The following GULP1 variants were observed in gnomAD, a reference collection of about 807,000 sequenced individuals.
GULP1 encodes the protein PTB domain-containing engulfment adapter protein 1.
GULP1 carries 19 observed loss-of-function variants against 40.9 expected under a neutral mutation model. The ratio of observed to expected loss-of-function variants is 0.46; its 90% CI spans 0.32 to 0.68. The LOEUF is 0.68. GULP1 is among the 30% of genes least tolerant of loss of function. The probability of loss-of-function intolerance (pLI) is 0.03; values close to 1 mark genes in which losing one functional copy is unlikely to be tolerated. For missense variants in GULP1, 312 were observed against 362.2 expected (o/e 0.86, Z 1.12); for synonymous variants, 119 against 117.6 (o/e 1.01, Z -0.08).
At chr2:188,550,224 T>C (rs1462480843) in intron 7 of GULP1, among the ~76,000 whole-genome samples, 2 of 151,688 alleles carry the variant, frequency 1.3e-5, no homozygotes, top group Non-Finnish European at 3.0e-5. Flanking sequence ...CCTTTTGTCT[T>C]ATTTTAAGTA....
At chr2:188,369,103 G>A (rs2047255595) in intron 1 of GULP1, among the ~76,000 whole-genome samples, 1 of 150,588 alleles carries the variant, frequency 6.6e-6, no homozygotes, top group Admixed American at 6.6e-5. Context: ...TGGAACTACA[G>A]GTGCATGCCA....
At chr2:188,480,267 C>T (rs2061344033) in intron 3 of GULP1, among the ~76,000 whole-genome samples, 1 of 151,872 alleles carries the variant, frequency 6.6e-6, no homozygotes, top group Non-Finnish European at 1.5e-5. Flanking sequence ...GTCACGTTTC[C>T]AAAACTACCA....
At chr2:188,523,316 C>T (rs1685316364) in intron 5 of GULP1, among the ~76,000 whole-genome samples, 2 of 152,078 alleles carry the variant, frequency 1.3e-5, no homozygotes, top group South Asian at 2.1e-4. Flanking sequence ...TGGCAATGTC[C>T]GTAAGTAGCC....
chr2:188,536,290 T>C (rs1186539392), intron 6 of GULP1, among the ~76,000 whole-genome samples: 1 of 152,098 alleles, frequency 6.6e-6, no homozygotes, highest in Non-Finnish European at 1.5e-5. Flanking sequence ...GAAGGGCATT[T>C]ACATTATTTT....
chr2:188,574,392 G>C (rs977050741), intron 9 of GULP1, among the ~76,000 whole-genome samples: 3 of 152,294 alleles, frequency 2.0e-5, no homozygotes, highest in African/African-American at 7.2e-5. Context: ...GGGAGGCAGA[G>C]GTAGGCTGAT....
intron 1 of GULP1, among the ~76,000 whole-genome samples, chr2:188,334,817 T>A (rs2042054534): frequency 6.6e-6 from 1 of 152,328 alleles, no homozygotes; most frequent in Admixed American, 6.5e-5. Flanking sequence ...GATAGAAAGG[T>A]CAATACCTTT....
chr2:188,580,450 G>A (rs370586054), intron 9 of GULP1, among the ~76,000 whole-genome samples: 1 of 150,860 alleles, frequency 6.6e-6, no homozygotes, highest in African/African-American at 2.4e-5. Flanking sequence ...CTACTTGGGA[G>A]GCTGAGGCAG....
chr2:188,297,457 A>C (rs753262222), intron 1 of GULP1: 5 of 468,314 alleles, frequency 1.1e-5, no homozygotes, highest in South Asian at 7.8e-5. Flanking sequence ...GCTTTTTCTT[A>C]ATATTAGGTG....
At chr2:188,446,891 ACT>A (rs1296461437) in intron 2 of GULP1, among the ~76,000 whole-genome samples, 1 of 152,064 alleles carries the variant, frequency 6.6e-6, no homozygotes, top group Non-Finnish European at 1.5e-5. Flanking sequence ...AAAGAGTCAA[ACT>A]CTGTAAAATA....
At chr2:188,585,151 A>G (rs77636709) in intron 10 of GULP1, among the ~76,000 whole-genome samples, 4,283 of 152,266 alleles carry the variant, frequency 0.028, 86 homozygotes, top group Middle Eastern at 0.051. Context: ...ATTTTACTCC[A>G]TGTGTCACAT....
At chr2:188,456,180 G>A (rs1260494087) in intron 2 of GULP1, among the ~76,000 whole-genome samples, 1 of 152,214 alleles carries the variant, frequency 6.6e-6, no homozygotes, top group Non-Finnish European at 1.5e-5. Context: ...CCCATTTTCT[G>A]AGGAGAAATT....
intron 2 of GULP1, among the ~76,000 whole-genome samples, chr2:188,466,046 A>G (rs991025956): frequency 1.3e-5 from 2 of 151,414 alleles, no homozygotes; most frequent in East Asian, 2.0e-4. Flanking sequence ...AGAGCCTTCT[A>G]TTTTGCCATT....
intron 1 of GULP1, among the ~76,000 whole-genome samples, chr2:188,311,230 T>A (rs2038043225): frequency 6.6e-6 from 1 of 152,068 alleles, no homozygotes; most frequent in Non-Finnish European, 1.5e-5. Context: ...GGAGTCTCGC[T>A]CTGTTGCACA....
At chr2:188,312,701 A>C (rs1354851815) in intron 1 of GULP1, among the ~76,000 whole-genome samples, 5 of 152,176 alleles carry the variant, frequency 3.3e-5, no homozygotes, top group African/African-American at 9.7e-5. Context: ...TTCTAGTTCT[A>C]GATCCTTGAG....
chr2:188,542,319 G>C (rs375046696), intron 7 of GULP1, among the ~76,000 whole-genome samples: 1 of 152,038 alleles, frequency 6.6e-6, no homozygotes, highest in South Asian at 2.1e-4. Context: ...TTTTGCTGCT[G>C]TCAAAAATAA....
chr2:188,331,283 A>C (rs1461383801), intron 1 of GULP1, among the ~76,000 whole-genome samples: 1 of 152,208 alleles, frequency 6.6e-6, no homozygotes, highest in Non-Finnish European at 1.5e-5. Flanking sequence ...CTAGTTATCC[A>C]AAATCTATTT....
chr2:188,299,474 G>T (rs1210661169), intron 1 of GULP1, among the ~76,000 whole-genome samples: 2 of 152,136 alleles, frequency 1.3e-5, no homozygotes, highest in Admixed American at 6.5e-5. Context: ...TCTTTATTCA[G>T]TGATTTTCCA....
intron 2 of GULP1, among the ~76,000 whole-genome samples, chr2:188,447,149 A>G (rs532262556): frequency 1.3e-5 from 2 of 152,366 alleles, no homozygotes; most frequent in Admixed American, 6.5e-5. Context: ...TATTATCAAT[A>G]GAAAGGAAAA....
At chr2:188,357,762 G>T (rs1160276697) in intron 1 of GULP1, among the ~76,000 whole-genome samples, 1 of 152,142 alleles carries the variant, frequency 6.6e-6, no homozygotes, top group Admixed American at 6.6e-5. Flanking sequence ...TTATTGTAGT[G>T]CTAATCAAGA....
Sources: gnomAD v4.1 joint callset for allele counts (sites outside exome capture counted in the v4.1 genomes callset) on GRCh38, gnomAD v4.1.1 for gene constraint, MANE v1.5 for transcripts, NCBI Gene and HGNC (gene_info 2026-07-23, HGNC 2026-07-21) for gene names.